The following CTNNA3 variants were observed in gnomAD, a reference collection of about 807,000 sequenced individuals.
CTNNA3 encodes catenin alpha 3, also known as catenin alpha-3.
A neutral mutation model predicts 95.7 loss-of-function variants in CTNNA3; 76 were observed. That is an observed-to-expected ratio of 0.79 (90% CI 0.66 to 0.96). The LOEUF (loss-of-function observed/expected upper bound fraction) is 0.96, where lower values mean the gene tolerates loss of function less well. Ranked by LOEUF, CTNNA3 falls within the 40% of genes least tolerant of loss-of-function variation. The pLI is 0.00. For synonymous variants in CTNNA3, 431 were observed against 374.4 expected, an observed-to-expected ratio of 1.15 and a Z score of -1.74; for missense variants, 1,191 against 1,089.8, an observed-to-expected ratio of 1.09 and a Z score of -1.31.
intron 7 of CTNNA3, among the ~76,000 whole-genome samples, chr10:66,787,412 T>G (rs1306356370): frequency 6.6e-6 from 1 of 152,092 alleles, no homozygotes; most frequent in Non-Finnish European, 1.5e-5. Flanking sequence ...GTAGCACAAC[T>G]TACTTAGGGG....
chr10:67,472,234 A>G (rs1356314393), intron 5 of CTNNA3, among the ~76,000 whole-genome samples: 2 of 152,138 alleles, frequency 1.3e-5, no homozygotes, highest in Non-Finnish European at 2.9e-5. Context: ...ACTTTCACCT[A>G]TATTTCATAT....
chr10:66,402,671 GA>G (rs1167954715), intron 11 of CTNNA3, among the ~76,000 whole-genome samples: 1 of 152,046 alleles, frequency 6.6e-6, no homozygotes, highest in Non-Finnish European at 1.5e-5. Context: ...GTTAGTCCTA[GA>G]AATAAATAAG....
At chr10:67,014,577 A>G (rs879780285) in intron 7 of CTNNA3, among the ~76,000 whole-genome samples, 6 of 152,176 alleles carry the variant, frequency 3.9e-5, no homozygotes, top group Non-Finnish European at 8.8e-5. Context: ...TCCAAAATTT[A>G]TAATGTATTT....
At chr10:67,377,775 G>T (rs1255197247) in intron 5 of CTNNA3, among the ~76,000 whole-genome samples, 3 of 152,102 alleles carry the variant, frequency 2.0e-5, no homozygotes, top group African/African-American at 7.2e-5. Context: ...TTTGTGTTGG[G>T]AACATTCAGT....
chr10:66,480,979 A>T (rs1303760123), intron 11 of CTNNA3, among the ~76,000 whole-genome samples: 1 of 152,224 alleles, frequency 6.6e-6, no homozygotes, highest in Admixed American at 6.5e-5. Context: ...ATACTAATTC[A>T]TGAATGAAAA....
At chr10:66,519,213 C>G (rs10762075) in intron 11 of CTNNA3, among the ~76,000 whole-genome samples, 36,079 of 151,918 alleles carry the variant, frequency 0.24, 5,823 homozygotes, top group East Asian at 0.79. Flanking sequence ...ACAACACAAA[C>G]AAAACTTGAA....
intron 7 of CTNNA3, among the ~76,000 whole-genome samples, chr10:67,120,328 C>T (rs976834704): frequency 6.6e-5 from 10 of 151,838 alleles, no homozygotes; most frequent in African/African-American, 2.4e-4. Context: ...ACCATCTTAT[C>T]CAAACTACAT....
chr10:66,627,692 C>T (rs1844987023), intron 9 of CTNNA3, among the ~76,000 whole-genome samples: 1 of 152,080 alleles, frequency 6.6e-6, no homozygotes, highest in South Asian at 2.1e-4. Context: ...AGTCAGCCTG[C>T]ATGTCCTAGT....
intron 13 of CTNNA3, among the ~76,000 whole-genome samples, chr10:66,234,683 T>G (rs1017328884): frequency 6.6e-5 from 10 of 152,176 alleles, no homozygotes; most frequent in African/African-American, 2.4e-4. Context: ...AACTGTTATT[T>G]TGCAAGGTGT....
chr10:66,333,515 T>C lies in CTNNA3; in HGVS notation c.1732+45637A>G, dbSNP rs376828456. Among the ~76,000 whole-genome samples, 80 of 152,138 alleles carry C rather than the reference T, an allele frequency of 5.3e-4. 1 individual carries two copies. In the South Asian group the frequency reaches 0.014, roughly 26 times the overall value. ...AGTAGTCATTCAGGAGCAGGTTGTT[T>C]AGTTTCCATGTAGTTGAGTGGTTTT... On this transcript the variant is annotated intron_variant, in intron 12 of 17. Transcript: ENST00000433211.
chr10:67,346,234 G>T (rs567692021), intron 5 of CTNNA3, among the ~76,000 whole-genome samples: 1 of 152,114 alleles, frequency 6.6e-6, no homozygotes, highest in African/African-American at 2.4e-5. Context: ...GGCTCATCCT[G>T]TAGTCTTTCC....
intron 10 of CTNNA3, among the ~76,000 whole-genome samples, chr10:66,581,197 CA>C (rs758498378): frequency 0.068 from 10,350 of 151,836 alleles, 708 homozygotes; most frequent in East Asian, 0.34. Flanking sequence ...AATTGTGCTG[CA>C]ATAAACATAT....
intron 13 of CTNNA3, among the ~76,000 whole-genome samples, chr10:66,260,583 C>T (rs2090961236): frequency 6.6e-6 from 1 of 151,988 alleles, no homozygotes; most frequent in Non-Finnish European, 1.5e-5. Context: ...GGAAGTTTTC[C>T]CTTTGGTCCC....
In CTNNA3 at chr10:66,538,245, G is replaced by A. The variant is rs542803458; in HGVS notation, c.1375-17472C>T. Among the ~76,000 whole-genome samples the A allele has an allele frequency of 3.2e-4, 49 of 152,056 alleles. 1 individual carries two copies. Among genetic ancestry groups the A allele is most frequent in the African/African-American group, 5.1e-4 (21 of 41,480 alleles). Reference sequence around the variant, plus strand: ...AGGAGAGCAGATAAGGGTGATGTTCGGCTAGTGATCAAAAAAATATTTTTG... The same window carrying A: ...AGGAGAGCAGATAAGGGTGATGTTCAGCTAGTGATCAAAAAAATATTTTTG... On this transcript the variant is annotated intron_variant, in intron 10 of 17. Coordinates refer to ENST00000433211, the MANE Select transcript of CTNNA3 (RefSeq NM_013266.4).
At chr10:67,718,942 T>C (rs1392158905) in intron 1 of CTNNA3, among the ~76,000 whole-genome samples, 12 of 152,184 alleles carry the variant, frequency 7.9e-5, no homozygotes, top group Non-Finnish European at 1.5e-5. Context: ...CTGGGCTTTT[T>C]TTGGTTGGTA....
At chr10:67,586,232 G>A (rs949401044) in intron 3 of CTNNA3, among the ~76,000 whole-genome samples, 2 of 151,950 alleles carry the variant, frequency 1.3e-5, no homozygotes, top group African/African-American at 2.4e-5. Flanking sequence ...TGACTGTTTT[G>A]CAGCCTAATA....
At chr10:67,154,478 C>A (rs1861213038) in intron 7 of CTNNA3, among the ~76,000 whole-genome samples, 1 of 152,128 alleles carries the variant, frequency 6.6e-6, no homozygotes, top group African/African-American at 2.4e-5. Flanking sequence ...CCAATAAGAG[C>A]TTTGCCTTTG....
chr10:66,508,211 T>TTTTTTTTTTTTTTTTTTTTTTTTTTTG (rs1491247894), intron 11 of CTNNA3, among the ~76,000 whole-genome samples: 7 of 91,172 alleles, frequency 7.7e-5, no homozygotes, highest in Non-Finnish European at 1.2e-4. Flanking sequence ...TTGTTTTCTG[T>TTTTTTTTTTTTTTTTTTTTTTTTTTTG]TTTTTTTTTT....
In CTNNA3 at chr10:66,295,213, A is replaced by C. The variant is rs936048728; in HGVS notation, c.1733-14592T>G. On this transcript the variant is annotated intron_variant, in intron 12 of 17. Coordinates refer to ENST00000433211, the MANE Select transcript of CTNNA3 (RefSeq NM_013266.4). ...ACATTATTATTACATTGTAATAGAG[A>C]CTTAACCTAAGACTTGTCTTTTTTT... Among the ~76,000 whole-genome samples, 14 of 152,316 alleles carry C rather than the reference A, an allele frequency of 9.2e-5. No homozygotes were observed. The East Asian group carries it at 2.3e-3, about 25-fold the overall frequency.
Sources: gnomAD v4.1 joint callset for allele counts (sites outside exome capture counted in the v4.1 genomes callset) on GRCh38, gnomAD v4.1.1 for gene constraint, MANE v1.5 for transcripts, NCBI Gene and HGNC (gene_info 2026-07-23, HGNC 2026-07-21) for gene names.